The following SLC38A4 variants were observed in gnomAD, a reference collection of about 807,000 sequenced individuals.
SLC38A4 encodes solute carrier family 38 member 4, also known as sodium-coupled neutral amino acid transporter 4.
In SLC38A4, 20 loss-of-function variants were observed where a neutral mutation model predicts 63.1. The observed-to-expected ratio is 0.32, with a 90% CI of 0.22 to 0.46. SLC38A4 has a LOEUF of 0.46. Ranked by LOEUF, SLC38A4 falls within the 20% of genes least tolerant of loss-of-function variation. SLC38A4 has a pLI of 1.00. For synonymous variants in SLC38A4, 230 were observed against 225.5 expected, an observed-to-expected ratio of 1.02 and a Z score of -0.18; for missense variants, 526 against 663.6, an observed-to-expected ratio of 0.79 and a Z score of 2.28.
chr12:46,793,268 C>G (rs1016021162), intron 2 of SLC38A4, 85 bp from the exon 3 acceptor site: 7 of 367,496 alleles, frequency 1.9e-5, no homozygotes, highest in African/African-American at 1.5e-4. Flanking sequence ...TGTATGCTCT[C>G]TGTAAAAGGG....
chr12:46,796,353 T>C (rs983359232), intron 2 of SLC38A4, among the ~76,000 whole-genome samples: 1 of 152,208 alleles, frequency 6.6e-6, no homozygotes, highest in Non-Finnish European at 1.5e-5. Context: ...CCCTAAATTA[T>C]ACGTTTCTTC....
At chr12:46,785,061 T>G in intron 6 of SLC38A4, 43 bp downstream of exon 6, 2,433 of 1,394,388 alleles carry the variant, frequency 1.7e-3, no homozygotes, top group Non-Finnish European at 2.3e-3. Flanking sequence ...TACTCTTTTA[T>G]GAGAATTAAA....
At chr12:46,827,282 G>A (rs4340151), upstream of SLC38A4, among the ~76,000 whole-genome samples, 112,300 of 152,158 alleles carry the variant, frequency 0.74, 41,611 homozygotes, top group African/African-American at 0.78. Context: ...AAAACATTTC[G>A]TATGGACATT....
At chr12:46,820,734 A>AT (rs914857747) in intron 1 of SLC38A4, among the ~76,000 whole-genome samples, 6 of 151,796 alleles carry the variant, frequency 4.0e-5, no homozygotes, top group Admixed American at 2.0e-4. Context: ...TCTATTTTTC[A>AT]TTTTTTAGGA....
chr12:46,808,020 A>G (rs1939268987), intron 1 of SLC38A4, among the ~76,000 whole-genome samples: 1 of 151,878 alleles, frequency 6.6e-6, no homozygotes, highest in African/African-American at 2.4e-5. Flanking sequence ...TTTTTAAGAC[A>G]CCAAATATAC....
chr12:46,811,895 A>C (rs1294534860), intron 1 of SLC38A4, among the ~76,000 whole-genome samples: 9 of 152,016 alleles, frequency 5.9e-5, no homozygotes, highest in Non-Finnish European at 4.4e-5. Context: ...GCTAATTGCA[A>C]GTCTTACAGG....
chr12:46,828,612 G>C (rs534116474), upstream of SLC38A4, among the ~76,000 whole-genome samples: 2 of 152,108 alleles, frequency 1.3e-5, no homozygotes, highest in Admixed American at 6.5e-5. Flanking sequence ...CATGAGCCAC[G>C]GTGCCCAGCC....
chr12:46,777,257 G>A (rs1369386375), intron 12 of SLC38A4, among the ~76,000 whole-genome samples: 1 of 151,872 alleles, frequency 6.6e-6, no homozygotes, highest in East Asian at 1.9e-4. Context: ...TTTCACGTAG[G>A]TCAGTAAGCT....
intron 1 of SLC38A4, among the ~76,000 whole-genome samples, chr12:46,808,399 G>C (rs1342940876): frequency 6.6e-6 from 1 of 151,984 alleles, no homozygotes; most frequent in Non-Finnish European, 1.5e-5. Context: ...TGTTTGAATA[G>C]TCAACTACTA....
At chr12:46,809,853 G>A (rs1939305173) in intron 1 of SLC38A4, among the ~76,000 whole-genome samples, 1 of 152,010 alleles carries the variant, frequency 6.6e-6, no homozygotes, top group Admixed American at 6.6e-5. Context: ...TGGCCGATTT[G>A]CAGTAATTAT....
upstream of SLC38A4, among the ~76,000 whole-genome samples, chr12:46,830,446 T>C (rs534999464): frequency 3.9e-5 from 6 of 152,214 alleles, no homozygotes; most frequent in African/African-American, 1.4e-4. Context: ...CACCCCCTGC[T>C]AGGCCCTGGA....
chr12:46,779,710 TCTAC>T, intron 9 of SLC38A4, 41 bp from the exon 10 acceptor site: 1 of 1,589,166 alleles, frequency 6.3e-7, no homozygotes, highest in Non-Finnish European at 8.6e-7. Context: ...GAATATGGCA[TCTAC>T]AATTAGCTAA....
At chr12:46,813,917 A>G (rs937007537) in intron 1 of SLC38A4, among the ~76,000 whole-genome samples, 12 of 152,052 alleles carry the variant, frequency 7.9e-5, no homozygotes, top group Non-Finnish European at 1.5e-4. Flanking sequence ...TTTGTTATAC[A>G]TGCATATTTA....
chr12:46,805,291 T>G (rs1939209188), intron 1 of SLC38A4, among the ~76,000 whole-genome samples: 1 of 152,046 alleles, frequency 6.6e-6, no homozygotes, highest in South Asian at 2.1e-4. Flanking sequence ...CATGTTTCTT[T>G]TAAACCTACT....
chr12:46,829,328 T>C (rs1386449035), upstream of SLC38A4, among the ~76,000 whole-genome samples: 1 of 152,130 alleles, frequency 6.6e-6, no homozygotes, highest in Non-Finnish European at 1.5e-5. Context: ...AATTGATAGG[T>C]GGAAGCACAT....
At chr12:46,816,494 AC>A (rs1012365332) in intron 1 of SLC38A4, among the ~76,000 whole-genome samples, 4 of 151,970 alleles carry the variant, frequency 2.6e-5, no homozygotes, top group African/African-American at 4.8e-5. Flanking sequence ...CAGACAAAAA[AC>A]ATTCTATACC....
chr12:46,828,005 A>C (rs1939682495), upstream of SLC38A4, among the ~76,000 whole-genome samples: 1 of 152,114 alleles, frequency 6.6e-6, no homozygotes, highest in Non-Finnish European at 1.5e-5. Context: ...TTGCAGAGAG[A>C]ATGTGCAAGG....
At chr12:46,792,332 T>C (rs1053234404) in intron 3 of SLC38A4, among the ~76,000 whole-genome samples, 2 of 152,110 alleles carry the variant, frequency 1.3e-5, no homozygotes, top group Non-Finnish European at 2.9e-5. Flanking sequence ...ACCTAGGGGC[T>C]TTTGAGTGAG....
At chr12:46,785,590 G>A (rs140077029) in intron 5 of SLC38A4, among the ~76,000 whole-genome samples, 91 of 152,112 alleles carry the variant, frequency 6.0e-4, no homozygotes, top group Non-Finnish European at 2.6e-4. Context: ...CTGAAATCTA[G>A]GAATCCAAAG....
Sources: gnomAD v4.1 joint callset for allele counts (sites outside exome capture counted in the v4.1 genomes callset) on GRCh38, gnomAD v4.1.1 for gene constraint, MANE v1.5 for transcripts, NCBI Gene and HGNC (gene_info 2026-07-23, HGNC 2026-07-21) for gene names.